The following AKR1C3 variants were observed in gnomAD, a reference collection of about 807,000 sequenced individuals.
The protein encoded by AKR1C3 is aldo-keto reductase family 1 member C3, also known as 3-alpha hydroxysteroid dehydrogenase, type II.
In AKR1C3, 48 loss-of-function variants were observed where a neutral mutation model predicts 43.6. That is an observed-to-expected ratio of 1.10 (90% CI 0.87 to 1.40). The LOEUF is 1.40. AKR1C3 is among the 40% of genes most tolerant of loss of function. AKR1C3 has a pLI of 0.00. For missense variants in AKR1C3, 482 were observed against 391.2 expected, an observed-to-expected ratio of 1.23 and a Z score of -1.96; for synonymous variants, 162 against 139.6, an observed-to-expected ratio of 1.16 and a Z score of -1.13.
intron 1 of AKR1C3, among the ~76,000 whole-genome samples, chr10:5,080,211 T>C (rs1378795720): frequency 1.3e-5 from 2 of 152,030 alleles, no homozygotes; most frequent in African/African-American, 4.8e-5. Context: ...TGGGAAACAC[T>C]GTATGGGAAT....
intron 1 of AKR1C3, among the ~76,000 whole-genome samples, chr10:5,080,239 A>T (rs1240403946): frequency 1.3e-5 from 2 of 152,146 alleles, no homozygotes; most frequent in Non-Finnish European, 2.9e-5. Flanking sequence ...AGTGTGTGAA[A>T]ATGTTAAAAA....
At chr10:5,073,783 T>A (rs1838657771) in intron 1 of AKR1C3, among the ~76,000 whole-genome samples, 2 of 152,204 alleles carry the variant, frequency 1.3e-5, no homozygotes, top group East Asian at 3.9e-4. Flanking sequence ...TGCTTCTTGT[T>A]AGTAATTCTT....
intron 1 of AKR1C3, among the ~76,000 whole-genome samples, chr10:5,052,026 A>G (rs1341405626): frequency 5.3e-5 from 8 of 152,186 alleles, no homozygotes; most frequent in Non-Finnish European, 1.0e-4. Context: ...TTCAAGAATG[A>G]AGCCGTGGAC....
intron 1 of AKR1C3, among the ~76,000 whole-genome samples, chr10:5,074,906 A>C (rs916949343): frequency 3.3e-5 from 5 of 152,192 alleles, no homozygotes; most frequent in African/African-American, 1.2e-4. Flanking sequence ...TAAAATGCAG[A>C]GTCCCCATAT....
At chr10:5,092,509 C>G (rs1319620775), upstream of AKR1C3, among the ~76,000 whole-genome samples, 3 of 146,794 alleles carry the variant, frequency 2.0e-5, no homozygotes, top group Non-Finnish European at 3.0e-5. Flanking sequence ...GCCTTAGACT[C>G]AAGGATGTAA....
intron 1 of AKR1C3, among the ~76,000 whole-genome samples, chr10:5,072,001 C>T (rs2131804893): frequency 6.6e-6 from 1 of 152,324 alleles, no homozygotes; most frequent in South Asian, 2.1e-4. Flanking sequence ...CCTGTCCTCA[C>T]CATGTTAATC....
upstream of AKR1C3, among the ~76,000 whole-genome samples, chr10:5,090,192 G>C (rs1839058328): frequency 6.6e-6 from 1 of 152,146 alleles, no homozygotes. Context: ...TTCCTATTCA[G>C]TGTGTGACAG....
rs782223473 is a variant in AKR1C3 at position 5,096,490 on chromosome 10, CAAT to C, written c.169_171del (p.Asn57del). 108 of 1,613,762 alleles carry C rather than the reference CAAT, an allele frequency of 6.7e-5. 1 individual carries two copies. In the East Asian group the frequency reaches 2.2e-3, roughly 33 times the overall value. On this transcript the variant is annotated inframe_deletion, in exon 2 of 9. Coordinates refer to ENST00000380554, the MANE Select transcript of AKR1C3 (RefSeq NM_003739.6). ...GCCATATAGATTCTGCTCATTTATACAATAATGAGGAGCAGGTTGGACTGGCCA... is the reference window on the plus strand; with the variant it reads ...GCCATATAGATTCTGCTCATTTATACAATGAGGAGCAGGTTGGACTGGCCA...
intron 5 of AKR1C3, 44 bp downstream of exon 5, chr10:5,099,493 C>G (rs782586842): frequency 5.0e-6 from 8 of 1,613,432 alleles, no homozygotes; most frequent in Non-Finnish European, 6.8e-6. Flanking sequence ...TTCATGCCCC[C>G]TCTTCCTGTC....
chr10:5,085,477 C>A (rs1838942939), intron 1 of AKR1C3, among the ~76,000 whole-genome samples: 1 of 151,810 alleles, frequency 6.6e-6, no homozygotes, highest in Admixed American at 6.5e-5. Context: ...ATTCGGTTTG[C>A]CAGTATTTTA....
chr10:5,088,591 TA>T (rs2131827533), intron 1 of AKR1C3, among the ~76,000 whole-genome samples: 2 of 151,420 alleles, frequency 1.3e-5, no homozygotes, highest in African/African-American at 4.8e-5. Flanking sequence ...TCTGTCTTTT[TA>T]AAATATCATT....
intron 1 of AKR1C3, among the ~76,000 whole-genome samples, chr10:5,078,631 A>G (rs1838767123): frequency 1.3e-5 from 2 of 152,174 alleles, no homozygotes; most frequent in Non-Finnish European, 2.9e-5. Flanking sequence ...CTCCAGTCCG[A>G]CATATTCCTC....
intron 1 of AKR1C3, among the ~76,000 whole-genome samples, chr10:5,084,695 C>G (rs1318632593): frequency 6.6e-6 from 1 of 152,096 alleles, no homozygotes; most frequent in Non-Finnish European, 1.5e-5. Flanking sequence ...GATATTGATT[C>G]TTCCTACCCA....
At chr10:5,066,492 G>A (rs143596633) in intron 1 of AKR1C3, among the ~76,000 whole-genome samples, 48 of 152,160 alleles carry the variant, frequency 3.2e-4, no homozygotes, top group East Asian at 1.2e-3. Flanking sequence ...TATTCCAGTC[G>A]AAGAGAGACC....
intron 1 of AKR1C3, among the ~76,000 whole-genome samples, chr10:5,086,429 T>C (rs1409690907): frequency 1.3e-4 from 19 of 151,730 alleles, no homozygotes; most frequent in Admixed American, 3.9e-4. Context: ...GATTGCACTG[T>C]GATCTGAGAG....
chr10:5,070,454 TTG>T (rs1417586966), intron 1 of AKR1C3, among the ~76,000 whole-genome samples: 18 of 152,134 alleles, frequency 1.2e-4, no homozygotes, highest in Non-Finnish European at 1.5e-5. Context: ...GTTACAGAAT[TTG>T]TGGGGGTTTA....
At chr10:5,093,140 A>G (rs572660849), upstream of AKR1C3, among the ~76,000 whole-genome samples, 118 of 152,182 alleles carry the variant, frequency 7.8e-4, no homozygotes, top group African/African-American at 2.5e-3. Context: ...TCAATGGGTT[A>G]GACGGACTAT....
At chr10:5,070,648 T>C (rs1168950945) in intron 1 of AKR1C3, among the ~76,000 whole-genome samples, 1 of 152,238 alleles carries the variant, frequency 6.6e-6, no homozygotes, top group African/African-American at 2.4e-5. Flanking sequence ...TCTGTCTCAA[T>C]TGGATCTTGA....
chr10:5,076,766 T>C (rs1186080058), intron 1 of AKR1C3, among the ~76,000 whole-genome samples: 2 of 152,214 alleles, frequency 1.3e-5, no homozygotes, highest in Non-Finnish European at 2.9e-5. Flanking sequence ...CTCACTGTCA[T>C]GCATAGAGCT....
Sources: allele counts gnomAD v4.1 joint callset (sites outside exome capture counted in the v4.1 genomes callset), GRCh38; gene constraint gnomAD v4.1.1; transcripts MANE v1.5; gene names NCBI Gene and HGNC (gene_info 2026-07-23, HGNC 2026-07-21).